ST6GALNAC3: variants seen among roughly 807,000 people sequenced by gnomAD.
ST6GALNAC3 encodes the protein alpha-N-acetylgalactosaminide alpha-2,6-sialyltransferase 3.
Under a neutral mutation model 32.7 loss-of-function variants are expected in ST6GALNAC3, and 25 were observed. The observed-to-expected ratio is 0.76, with a 90% CI of 0.56 to 1.07. The LOEUF (loss-of-function observed/expected upper bound fraction) is 1.07, where lower values mean the gene tolerates loss of function less well. ST6GALNAC3 is among the 50% of genes least tolerant of loss of function. The pLI, the probability that ST6GALNAC3 is intolerant of heterozygous loss-of-function variation, is 0.00. For missense variants in ST6GALNAC3, 355 were observed against 382.4 expected, an observed-to-expected ratio of 0.93 and a Z score of 0.60; for synonymous variants, 129 against 133.1, an observed-to-expected ratio of 0.97 and a Z score of 0.21.
intron 1 of ST6GALNAC3, among the ~76,000 whole-genome samples, chr1:76,080,419 T>C (rs1044741662): frequency 4.6e-5 from 7 of 152,146 alleles, no homozygotes; most frequent in Admixed American, 3.9e-4. Flanking sequence ...GCTTGTTGAT[T>C]AGTTTGCTCC....
At chr1:76,521,692 G>A (rs1251247635) in intron 3 of ST6GALNAC3, among the ~76,000 whole-genome samples, 1 of 151,948 alleles carries the variant, frequency 6.6e-6, no homozygotes, top group African/African-American at 2.4e-5. Context: ...TGTTTTTCTG[G>A]AAATATTAGT....
chr1:76,485,198 G>C (rs1374727109), intron 3 of ST6GALNAC3, among the ~76,000 whole-genome samples: 1 of 151,988 alleles, frequency 6.6e-6, no homozygotes, highest in Non-Finnish European at 1.5e-5. Context: ...TTTGTTGTGT[G>C]TCTACCAGGC....
rs188412922 is a variant in ST6GALNAC3 at position 76,182,157 on chromosome 1, A to G, written c.18+107273A>G. On this transcript the variant is annotated intron_variant, in intron 1 of 4. Transcript: ENST00000328299. ...ATAAGCATTTTTACTATACTGAGCT[A>G]TACTTATCATTTACATTATTGGTGT... 1.4e-3 allele frequency among the ~76,000 whole-genome samples: 209 copies of G among 152,318 alleles called. 2 individuals are homozygous for G. Among genetic ancestry groups the G allele is most frequent in the Non-Finnish European group, 3.4e-4 (23 of 68,024 alleles).
At chr1:76,591,091 A>T (rs976606628) in intron 3 of ST6GALNAC3, among the ~76,000 whole-genome samples, 11 of 152,188 alleles carry the variant, frequency 7.2e-5, no homozygotes, top group Non-Finnish European at 1.3e-4. Context: ...GACTGCACTT[A>T]ATCTGTGATG....
At chr1:76,242,917 G>A (rs374661650) in intron 1 of ST6GALNAC3, among the ~76,000 whole-genome samples, 24 of 152,266 alleles carry the variant, frequency 1.6e-4, no homozygotes, top group African/African-American at 3.4e-4. Context: ...ATAAGCATAC[G>A]TGTGCATATG....
At chr1:76,304,515 C>T (rs1045342093) in intron 1 of ST6GALNAC3, among the ~76,000 whole-genome samples, 19 of 151,528 alleles carry the variant, frequency 1.3e-4, no homozygotes, top group South Asian at 2.1e-4. Context: ...AGCAAGGGGG[C>T]CAGGAGGAGC....
chr1:76,252,357 A>T (rs112006294), intron 1 of ST6GALNAC3, among the ~76,000 whole-genome samples: 1 of 152,114 alleles, frequency 6.6e-6, no homozygotes, highest in Admixed American at 6.6e-5. Context: ...CCCAACCTTG[A>T]GGGTTTTGTG....
At chr1:76,605,471 A>G (rs768479760) in intron 3 of ST6GALNAC3, among the ~76,000 whole-genome samples, 4 of 152,188 alleles carry the variant, frequency 2.6e-5, no homozygotes, top group African/African-American at 9.7e-5. Context: ...AAATGGGAGA[A>G]ATTTTTTGCA....
At chr1:76,598,757 A>C (rs1482710504) in intron 3 of ST6GALNAC3, among the ~76,000 whole-genome samples, 3 of 152,088 alleles carry the variant, frequency 2.0e-5, no homozygotes, top group South Asian at 4.1e-4. Context: ...AAAAATGGTA[A>C]GCCTCCGTTA....
intron 1 of ST6GALNAC3, among the ~76,000 whole-genome samples, chr1:76,266,139 AT>A (rs1245900041): frequency 2.0e-5 from 3 of 152,204 alleles, no homozygotes; most frequent in Admixed American, 6.5e-5. Flanking sequence ...TGTTGAATTT[AT>A]TTATTAATTC....
chr1:76,389,558 T>C (rs551628739), intron 2 of ST6GALNAC3, among the ~76,000 whole-genome samples: 2 of 152,344 alleles, frequency 1.3e-5, no homozygotes, highest in South Asian at 4.1e-4. Context: ...TGTGAGAATA[T>C]GAGATGTGGA....
chr1:76,090,999 C>T (rs898449482), intron 1 of ST6GALNAC3, among the ~76,000 whole-genome samples: 6 of 152,158 alleles, frequency 3.9e-5, no homozygotes, highest in African/African-American at 1.4e-4. Context: ...CCAATTATGA[C>T]AGCCTTGCAA....
intron 3 of ST6GALNAC3, among the ~76,000 whole-genome samples, chr1:76,503,891 A>G (rs550107071): frequency 4.6e-5 from 7 of 152,196 alleles, no homozygotes; most frequent in Middle Eastern, 6.8e-3. Flanking sequence ...TTCCCTATCC[A>G]TTCTAATGCA....
At position 76,531,519 on chromosome 1, in the gene ST6GALNAC3, A is replaced by G. The variant is rs554321755; in HGVS notation, c.624-95933A>G. Among the ~76,000 whole-genome samples the G allele has an allele frequency of 2.0e-5, 3 of 152,248 alleles. No individual in the cohort carries two copies. In the South Asian group the frequency reaches 6.2e-4, roughly 32 times the overall value. ...ACAAAGCTGCCACGTCAGTTTTCTGATGTATAGAAACTGAGTCTGTTAGCC... is the reference window on the plus strand; with the variant it reads ...ACAAAGCTGCCACGTCAGTTTTCTGGTGTATAGAAACTGAGTCTGTTAGCC... On this transcript the variant is annotated intron_variant, in intron 3 of 4. Transcript: ENST00000328299.
chr1:76,326,579 G>A (rs1647074142), intron 2 of ST6GALNAC3, among the ~76,000 whole-genome samples: 1 of 151,926 alleles, frequency 6.6e-6, no homozygotes, highest in Admixed American at 6.6e-5. Context: ...TAATTGTTAA[G>A]TAATTTGCTA....
chr1:76,374,058 T>C (rs1333720119), intron 2 of ST6GALNAC3, among the ~76,000 whole-genome samples: 2 of 152,314 alleles, frequency 1.3e-5, no homozygotes, highest in South Asian at 4.1e-4. Context: ...TGACTACTTC[T>C]AGTTAGACAG....
chr1:76,483,563 G>A (rs1454855012), intron 3 of ST6GALNAC3, among the ~76,000 whole-genome samples: 1 of 152,116 alleles, frequency 6.6e-6, no homozygotes, highest in Non-Finnish European at 1.5e-5. Flanking sequence ...CCCACTTTTT[G>A]ATGGGGTTGT....
intron 2 of ST6GALNAC3, among the ~76,000 whole-genome samples, chr1:76,382,251 A>G (rs1037127277): frequency 6.6e-6 from 1 of 152,216 alleles, no homozygotes; most frequent in African/African-American, 2.4e-5. Flanking sequence ...GTCAGGAAAT[A>G]TAACCAAATA....
At chr1:76,367,970 C>T (rs926649460) in intron 2 of ST6GALNAC3, among the ~76,000 whole-genome samples, 2 of 152,160 alleles carry the variant, frequency 1.3e-5, no homozygotes, top group Non-Finnish European at 2.9e-5. Context: ...CACAGCAAAG[C>T]GAACCTGTGG....
Sources: gnomAD v4.1 joint callset for allele counts (sites outside exome capture counted in the v4.1 genomes callset) on GRCh38, gnomAD v4.1.1 for gene constraint, MANE v1.5 for transcripts, NCBI Gene and HGNC (gene_info 2026-07-23, HGNC 2026-07-21) for gene names.